The following TAX1BP1 variants were observed in gnomAD, a reference collection of about 807,000 sequenced individuals.
TAX1BP1 encodes the protein Tax1 binding protein 1, also known as tax1-binding protein 1.
In TAX1BP1, 62 loss-of-function variants were observed where a neutral mutation model predicts 97.7. The ratio of observed to expected loss-of-function variants is 0.63; its 90% CI spans 0.52 to 0.78. The LOEUF is 0.78. Ranked by LOEUF, TAX1BP1 falls within the 30% of genes least tolerant of loss-of-function variation. TAX1BP1 has a pLI of 0.00. For synonymous variants in TAX1BP1, 340 were observed against 304.2 expected, an observed-to-expected ratio of 1.12 and a Z score of -1.23; for missense variants, 867 against 916.1, an observed-to-expected ratio of 0.95 and a Z score of 0.69.
chr7:27,762,625 A>G (rs1788469737), intron 3 of TAX1BP1, among the ~76,000 whole-genome samples: 1 of 152,182 alleles, frequency 6.6e-6, no homozygotes, highest in Admixed American at 6.5e-5. Context: ...AGTAGAGAAA[A>G]GCATCCAGTT....
chr7:27,751,059 G>A (rs971071468), intron 2 of TAX1BP1, among the ~76,000 whole-genome samples: 13 of 152,106 alleles, frequency 8.5e-5, no homozygotes, highest in African/African-American at 3.1e-4. Context: ...GCCATACAGG[G>A]CTCCTGTATA....
intron 12 of TAX1BP1, 48 bp downstream of exon 12, chr7:27,796,267 A>T: frequency 1.5e-6 from 2 of 1,375,274 alleles, no homozygotes; most frequent in East Asian, 4.7e-5. Context: ...AATGTTAATG[A>T]CTTAGCTTAC....
At chr7:27,767,390 A>C (rs2128311871) in intron 4 of TAX1BP1, among the ~76,000 whole-genome samples, 1 of 152,270 alleles carries the variant, frequency 6.6e-6, no homozygotes, top group South Asian at 2.1e-4. Flanking sequence ...AAAAGACAAG[A>C]GGTTACAGAT....
At chr7:27,765,476 C>T (rs1012281547) in intron 3 of TAX1BP1, among the ~76,000 whole-genome samples, 4 of 152,082 alleles carry the variant, frequency 2.6e-5, no homozygotes, top group African/African-American at 7.2e-5. Flanking sequence ...ATATTCCCAC[C>T]CCCACTCCCA....
chr7:27,762,752 C>G (rs114004995), intron 3 of TAX1BP1, among the ~76,000 whole-genome samples: 2 of 152,112 alleles, frequency 1.3e-5, no homozygotes, highest in South Asian at 4.1e-4. Flanking sequence ...AATTTGAGAC[C>G]AGCCTGGGCA....
chr7:27,744,704 G>A (rs73295504), intron 1 of TAX1BP1, among the ~76,000 whole-genome samples: 6,353 of 152,172 alleles, frequency 0.042, 417 homozygotes, highest in African/African-American at 0.14. Flanking sequence ...TACCACAAAA[G>A]TCAAATCTGC....
At chr7:27,754,441 T>C (rs1788135459) in intron 2 of TAX1BP1, among the ~76,000 whole-genome samples, 1 of 149,980 alleles carries the variant, frequency 6.7e-6, no homozygotes, top group South Asian at 2.1e-4. Context: ...AAAATTAAAA[T>C]GTCCTACAGT....
chr7:27,828,238 A>G (rs1469521088), intron 16 of TAX1BP1, among the ~76,000 whole-genome samples: 2 of 152,230 alleles, frequency 1.3e-5, no homozygotes, highest in African/African-American at 4.8e-5. Context: ...CCAGTGCCAT[A>G]AAAACTTTGC....
intron 5 of TAX1BP1, among the ~76,000 whole-genome samples, chr7:27,783,318 G>A (rs548139385): frequency 3.9e-4 from 60 of 152,260 alleles, no homozygotes; most frequent in Non-Finnish European, 8.1e-4. Flanking sequence ...ATTCCTAGTT[G>A]TTTGAAATGG....
chr7:27,750,964 A>G (rs1238676548), intron 2 of TAX1BP1, among the ~76,000 whole-genome samples: 1 of 152,202 alleles, frequency 6.6e-6, no homozygotes, highest in Non-Finnish European at 1.5e-5. Flanking sequence ...GTAAAATGGA[A>G]ACCTGAACAT....
intron 3 of TAX1BP1, among the ~76,000 whole-genome samples, chr7:27,765,041 A>C (rs139423301): frequency 0.022 from 1 of 46 alleles, no homozygotes; most frequent in Non-Finnish European, 0.056. Context: ...TTTGAGGCGG[A>C]GTCTCACTCT....
At chr7:27,769,412 G>T (rs1788761105) in intron 4 of TAX1BP1, among the ~76,000 whole-genome samples, 1 of 151,856 alleles carries the variant, frequency 6.6e-6, no homozygotes, top group East Asian at 1.9e-4. Context: ...TCTCAAAAAT[G>T]ATTAGCAGCC....
At chr7:27,828,532 A>T in intron 16 of TAX1BP1, 96 bp from the exon 17 acceptor site, 1 of 1,157,946 alleles carries the variant, frequency 8.6e-7, no homozygotes, top group Non-Finnish European at 1.2e-6. Flanking sequence ...TAGTATGAAT[A>T]TCAGCTAACT....
chr7:27,801,223 G>A (rs1257187760), intron 13 of TAX1BP1, among the ~76,000 whole-genome samples: 1 of 144,584 alleles, frequency 6.9e-6, no homozygotes, highest in African/African-American at 2.5e-5. Context: ...TTTAAGAAAT[G>A]TATGTAGATA....
At chr7:27,754,192 T>A (rs1204796217) in intron 2 of TAX1BP1, among the ~76,000 whole-genome samples, 3 of 152,154 alleles carry the variant, frequency 2.0e-5, no homozygotes, top group Non-Finnish European at 4.4e-5. Flanking sequence ...AGAAGGTGGA[T>A]CCAAACAGTG....
intron 3 of TAX1BP1, among the ~76,000 whole-genome samples, chr7:27,762,722 A>T (rs987801411): frequency 1.3e-5 from 2 of 152,164 alleles, no homozygotes; most frequent in South Asian, 4.2e-4. Context: ...GCCAAGGAGG[A>T]TGGATTGCAT....
At position 27,742,910 on chromosome 7, in the gene TAX1BP1, A is replaced by G. The variant is rs1016833522; in HGVS notation, c.-8+2641A>G. ...CCTTTTTAATAATGTTAAAATAATCATGAAAGATCCTAATGATGCTCCTTG... is the reference window on the plus strand; with the variant it reads ...CCTTTTTAATAATGTTAAAATAATCGTGAAAGATCCTAATGATGCTCCTTG... On this transcript the variant is annotated intron_variant, in intron 1 of 16. Transcript: ENST00000396319. Among the ~76,000 whole-genome samples, 5 of 152,242 alleles carry G rather than the reference A, an allele frequency of 3.3e-5. No individual in the cohort carries two copies. In the South Asian group the frequency reaches 8.3e-4, roughly 25 times the overall value.
At chr7:27,812,431 G>T (rs914077527) in intron 13 of TAX1BP1, among the ~76,000 whole-genome samples, 3 of 152,036 alleles carry the variant, frequency 2.0e-5, no homozygotes, top group African/African-American at 4.8e-5. Flanking sequence ...TCCAGTCTGT[G>T]ATTTCTTTTT....
At position 27,758,112 on chromosome 7, in the gene TAX1BP1, A is replaced by G; in HGVS notation, c.244A>G (p.Asn82Asp). The change falls in exon 3 of 17, where the codon AAT becomes GAT. Residue 82 changes from asparagine to aspartate, a missense_variant. By Grantham distance (23) the Asn-to-Asp change is conservative. This residue lies in a region of TAX1BP1 where 822 missense variants were observed against 851.4 expected (regional missense o/e 0.97). Transcript: ENST00000396319. ...ACATTATGTGGAAGGATCAACAGTC[A>G]ATTGTGTACTAGCATTCCAAGGTAA... ...PEHYVEGSTV[N>D]CVLAFQGYYL... 6.2e-7 allele frequency: 1 copy of G among 1,611,312 alleles called. No homozygotes were observed. The highest frequency in any genetic ancestry group is 8.5e-7 in the Non-Finnish European group (1 of 1,178,742).
Sources: gnomAD v4.1 joint callset for allele counts (sites outside exome capture counted in the v4.1 genomes callset) on GRCh38, gnomAD v4.1.1 for gene constraint, gnomAD v4.1.1 regional missense constraint, MANE v1.5 for transcripts, NCBI Gene and HGNC (gene_info 2026-07-23, HGNC 2026-07-21) for gene names.